The following TENM1 variants were observed in gnomAD, a reference collection of about 807,000 sequenced individuals.
TENM1 encodes the protein teneurin transmembrane protein 1.
In TENM1, 35 loss-of-function variants were observed where a neutral mutation model predicts 174.8. The ratio of observed to expected loss-of-function variants is 0.20; its 90% confidence interval spans 0.15 to 0.27. TENM1 has a LOEUF of 0.27. Among genes scored for constraint, TENM1 ranks in the 10% least tolerant of loss-of-function variants. The pLI, the probability that TENM1 is intolerant of heterozygous loss-of-function variation, is 1.00. For missense variants in TENM1, 1,633 were observed against 2,130.1 expected (o/e 0.77, Z 4.59); for synonymous variants, 781 against 798.7 (o/e 0.98, Z 0.37).
In TENM1 at chrX:124,914,346, C is replaced by T. The variant is rs189806311; in HGVS notation, c.218-18105G>A. Among the ~76,000 whole-genome samples, 7 of 110,975 alleles carry T rather than the reference C, an allele frequency of 6.3e-5. No individual in the cohort carries two copies. In the East Asian group the frequency reaches 2.0e-3, roughly 32 times the overall value. On this transcript the variant is annotated intron_variant, in intron 1 of 31. Coordinates refer to ENST00000422452, the Ensembl canonical transcript of TENM1. ...TCAGGCAATAAACACTAGGAGAGGG[C>T]ACAGAGGAGAGGAAGAATAGAATGA...
intron 3 of TENM1, among the ~76,000 whole-genome samples, chrX:124,757,738 T>G (rs1443666564): frequency 8.9e-6 from 1 of 112,597 alleles, no homozygotes; most frequent in Non-Finnish European, 1.9e-5. Context: ...CGAGGGATAC[T>G]AGAGAGCTGT....
upstream of TENM1, among the ~76,000 whole-genome samples, chrX:124,966,627 A>T (rs1400072959): frequency 1.9e-5 from 2 of 104,618 alleles, no homozygotes; most frequent in East Asian, 3.0e-4. Context: ...GCGCCACTGC[A>T]CTCCAGCCTG....
intron 9 of TENM1, among the ~76,000 whole-genome samples, chrX:124,645,974 G>C (rs1280707134): frequency 8.9e-6 from 1 of 111,809 alleles, no homozygotes; most frequent in Non-Finnish European, 1.9e-5. Context: ...AACCTAGCAA[G>C]TGTTTTAGAA....
At chrX:124,507,030 T>A (rs2148006686) in intron 18 of TENM1, among the ~76,000 whole-genome samples, 1 of 111,342 alleles carries the variant, frequency 9.0e-6, no homozygotes, top group South Asian at 3.8e-4. Context: ...CTATCACGTC[T>A]GATCATCAAC....
chrX:124,796,551 G>A (rs2055309091), intron 3 of TENM1, among the ~76,000 whole-genome samples: 1 of 111,576 alleles, frequency 9.0e-6, no homozygotes, highest in East Asian at 2.8e-4. Context: ...GGAAAATCTT[G>A]CTGTTTTCTT....
intron 23 of TENM1, among the ~76,000 whole-genome samples, chrX:124,446,755 C>A (rs192690865): frequency 5.3e-5 from 6 of 112,597 alleles, no homozygotes; most frequent in East Asian, 2.8e-4. Context: ...TGGAAGGAAC[C>A]TTGAGAAAAC....
chrX:124,968,065 T>C (rs781011321), upstream of TENM1, among the ~76,000 whole-genome samples: 4 of 112,131 alleles, frequency 3.6e-5, no homozygotes, highest in East Asian at 1.1e-3. Flanking sequence ...AAAGTAGAGT[T>C]TAGGTAAATA....
At chrX:124,393,424 T>G (rs1276789015) in intron 27 of TENM1, among the ~76,000 whole-genome samples, 1 of 109,268 alleles carries the variant, frequency 9.2e-6, no homozygotes, top group African/African-American at 3.3e-5. Context: ...TGTGTGTGTG[T>G]TTCAGAAAAA....
chrX:124,918,471 C>T (rs1303774930), intron 1 of TENM1, among the ~76,000 whole-genome samples: 1 of 109,374 alleles, frequency 9.1e-6, no homozygotes, highest in Non-Finnish European at 1.9e-5. Context: ...TGAGCCATCG[C>T]GCCCAGCCGA....
chrX:125,009,213 C>T, the TENM1 span, among the ~76,000 whole-genome samples: 3 of 108,508 alleles, frequency 2.8e-5, no homozygotes, highest in Admixed American at 2.0e-4. Flanking sequence ...TTCACCACTG[C>T]CCCCACAGAA....
chrX:124,659,846 C>G (rs749159110), intron 6 of TENM1, among the ~76,000 whole-genome samples: 1 of 111,294 alleles, frequency 9.0e-6, no homozygotes, highest in African/African-American at 3.3e-5. Context: ...AACTGATTTT[C>G]GACAAGGTCA....
intron 4 of TENM1, among the ~76,000 whole-genome samples, chrX:124,716,889 T>C (rs1000016119): frequency 1.8e-5 from 2 of 111,199 alleles, no homozygotes; most frequent in Non-Finnish European, 1.9e-5. Context: ...GGTAGAATCA[T>C]GGGAGAGACG....
At chrX:124,951,715 T>C (rs922963114) in intron 1 of TENM1, among the ~76,000 whole-genome samples, 1 of 100,766 alleles carries the variant, frequency 9.9e-6, no homozygotes, top group South Asian at 4.8e-4. Flanking sequence ...AATTTGAGTC[T>C]CTTTCCAACT....
At chrX:124,910,669 C>T (rs2057822114) in intron 1 of TENM1, among the ~76,000 whole-genome samples, 1 of 111,802 alleles carries the variant, frequency 8.9e-6, no homozygotes, top group Admixed American at 9.5e-5. Context: ...TAAGGTAGAT[C>T]TGTTCCTTTT....
chrX:124,501,082 T>C (rs376482463), intron 19 of TENM1, among the ~76,000 whole-genome samples: 23 of 111,511 alleles, frequency 2.1e-4, no homozygotes, highest in African/African-American at 6.8e-4. Context: ...TTTAATAATT[T>C]TAAACACTCG....
chrX:125,057,742 T>C, the TENM1 span, among the ~76,000 whole-genome samples: 1 of 111,556 alleles, frequency 9.0e-6, no homozygotes, highest in African/African-American at 3.2e-5. Context: ...TTCAATGTTA[T>C]CATGTTTTTA....
chrX:124,627,401 T>C (rs2050662039), intron 11 of TENM1, among the ~76,000 whole-genome samples: 1 of 112,136 alleles, frequency 8.9e-6, no homozygotes, highest in Admixed American at 9.5e-5. Flanking sequence ...GTCAAGTCTA[T>C]ATATGAAAAG....
At chrX:125,024,385 CCACACA>C in the TENM1 span, among the ~76,000 whole-genome samples, 1 of 105,584 alleles carries the variant, frequency 9.5e-6, no homozygotes, top group African/African-American at 3.5e-5. Flanking sequence ...CACACACACA[CCACACA>C]CACACACACA....
intron 1 of TENM1, among the ~76,000 whole-genome samples, chrX:124,944,243 AT>A (rs67367742): frequency 0.014 from 1,587 of 111,089 alleles, 18 homozygotes; most frequent in Non-Finnish European, 0.023. Flanking sequence ...TTACCAGCTA[AT>A]TTTTTTTATT....
Sources: allele counts gnomAD v4.1 joint callset (sites outside exome capture counted in the v4.1 genomes callset), GRCh38; gene constraint gnomAD v4.1.1; transcripts MANE v1.5; gene names NCBI Gene and HGNC (gene_info 2026-07-23, HGNC 2026-07-21).